KIAA1671: variants seen among roughly 807,000 people sequenced by gnomAD.
KIAA1671 encodes uncharacterized protein KIAA1671.
KIAA1671 carries 52 observed loss-of-function variants against 131.2 expected under a neutral mutation model. The observed-to-expected ratio is 0.40, with a 90% CI of 0.32 to 0.50. The LOEUF (loss-of-function observed/expected upper bound fraction) is 0.50, where lower values mean the gene tolerates loss of function less well. KIAA1671 is among the 20% of genes least tolerant of loss of function. The pLI is 0.73. For missense variants in KIAA1671, 2,360 were observed against 2,364.2 expected, an observed-to-expected ratio of 1.00 and a Z score of 0.04; for synonymous variants, 1,003 against 961.6, an observed-to-expected ratio of 1.04 and a Z score of -0.80.
At chr22:25,134,931 C>T (rs1320381117) in intron 6 of KIAA1671, among the ~76,000 whole-genome samples, 1 of 152,178 alleles carries the variant, frequency 6.6e-6, no homozygotes, top group East Asian at 1.9e-4. Context: ...CACCATGTCA[C>T]GTAGCAGACA....
intron 1 of KIAA1671, among the ~76,000 whole-genome samples, chr22:25,009,309 G>A (rs1191655473): frequency 3.2e-5 from 4 of 126,942 alleles, no homozygotes; most frequent in South Asian, 2.7e-4. Flanking sequence ...CTGTCACCCA[G>A]GCTGGAGTGC....
Position 25,174,370 on chromosome 22 carries a change from C to G in KIAA1671, c.4780C>G (p.Gln1594Glu). The change falls in exon 8 of 13, where the codon CAG (glutamine) becomes GAG (glutamate). Residue 1594 changes from glutamine to glutamate, a missense_variant. By Grantham distance (29) the Gln-to-Glu change is conservative. Around this residue, in one of 3 missense-constraint regions of KIAA1671, gnomAD observed 1,161 missense variants for 1,204.7 expected, o/e 0.96. Transcript: ENST00000358431. ...AGDQYDCSRD[Q>E]RSTSVDHSST... ...GGACCAGTATGACTGCTCCAGGGACCAGCGGAGCACCAGCGTGGACCACTC... is the reference window on the plus strand; with the variant it reads ...GGACCAGTATGACTGCTCCAGGGACGAGCGGAGCACCAGCGTGGACCACTC... 2.6e-6 allele frequency: 4 copies of G among 1,552,072 alleles called. No homozygotes were observed. The highest frequency in any genetic ancestry group is 3.5e-6 in the Non-Finnish European group (4 of 1,147,100).
Position 25,039,173 on chromosome 22 carries a change from G to T in KIAA1671, c.2043G>T (p.Thr681=). The T allele has an allele frequency of 1.3e-6, 2 of 1,551,852 alleles. No individual in the cohort carries two copies. Among genetic ancestry groups the T allele is most frequent in the Non-Finnish European group, 1.7e-6 (2 of 1,147,074 alleles). ...CCAGAGGGTTTGACAATCCCGAGACGGAGAAATTGGGACCAACCACCCTTT... is the reference window on the plus strand; with the variant it reads ...CCAGAGGGTTTGACAATCCCGAGACTGAGAAATTGGGACCAACCACCCTTT... ...ENSRGFDNPE[T]EKLGPTTLLN... The change falls in exon 5 of 13, where the codon ACG becomes ACT. Residue 681 remains threonine (T), a synonymous_variant. Coordinates refer to ENST00000358431, the MANE Select transcript of KIAA1671 (RefSeq NM_001145206.2).
chr22:25,081,210 T>C (rs548131066), intron 6 of KIAA1671, among the ~76,000 whole-genome samples: 1 of 152,332 alleles, frequency 6.6e-6, no homozygotes, highest in African/African-American at 2.4e-5. Context: ...AGTTTCTCTG[T>C]AGGTATAATG....
chr22:24,982,972 G>T (rs1923312741), intron 1 of KIAA1671, among the ~76,000 whole-genome samples: 1 of 152,168 alleles, frequency 6.6e-6, no homozygotes, highest in Non-Finnish European at 1.5e-5. Flanking sequence ...TTCCTTCCAG[G>T]CATCTGTTGA....
intron 6 of KIAA1671, among the ~76,000 whole-genome samples, chr22:25,137,356 C>G (rs986167561): frequency 6.6e-6 from 1 of 152,186 alleles, no homozygotes; most frequent in Non-Finnish European, 1.5e-5. Flanking sequence ...AGCCCGAATT[C>G]TCTTCCTATG....
At chr22:25,098,002 G>C (rs553530047) in intron 6 of KIAA1671, among the ~76,000 whole-genome samples, 24 of 152,224 alleles carry the variant, frequency 1.6e-4, no homozygotes, top group East Asian at 1.5e-3. Flanking sequence ...CAAGGAGGAG[G>C]GTGCATCACG....
Position 25,040,187 on chromosome 22 carries a change from AC to A in KIAA1671, c.3059del (p.Pro1020LeufsTer48), listed in dbSNP as rs1926833723. On this transcript the variant is annotated frameshift_variant, in exon 5 of 13. Coordinates refer to ENST00000358431, the MANE Select transcript of KIAA1671 (RefSeq NM_001145206.2). LOFTEE classifies it high-confidence loss of function. ...QTSPAVKQGS[P>X]VEPKATFFAV... ...CTTCCCCAGCAGTGAAGCAAGGGTC[AC>A]CTGTGGAACCCAAGGCGACATTTTT... 1 of 1,551,554 alleles carries A rather than the reference AC, an allele frequency of 6.4e-7. No homozygotes were observed. The highest frequency in any genetic ancestry group is 8.7e-7 in the Non-Finnish European group (1 of 1,147,004).
At chr22:25,106,003 G>T (rs9624726) in intron 6 of KIAA1671, among the ~76,000 whole-genome samples, 10,554 of 152,232 alleles carry the variant, frequency 0.069, 1,191 homozygotes, top group African/African-American at 0.24. Flanking sequence ...TGTAATGCCT[G>T]GCACATAGTA....
chr22:25,185,331 G>C, intron 11 of KIAA1671: 1 of 554,098 alleles, frequency 1.8e-6, no homozygotes, highest in Admixed American at 3.6e-5. Context: ...AATCAGGCCA[G>C]CTGGCCTCTC....
intron 6 of KIAA1671, chr22:25,051,439 C>T (rs1927528173): frequency 6.6e-6 from 1 of 152,176 alleles, no homozygotes; most frequent in African/African-American, 2.4e-5. Flanking sequence ...TTCTCTATGA[C>T]CTCAAGAGTA....
intron 6 of KIAA1671, among the ~76,000 whole-genome samples, chr22:25,093,737 A>ACTCTCTCTCTCTCTCTCT (rs1326086246): frequency 6.6e-5 from 2 of 30,138 alleles, no homozygotes; most frequent in South Asian, 1.2e-3. Flanking sequence ...ACACACACAC[A>ACTCTCTCTCTCTCTCTCT]CTCTCTCTCT....
At chr22:25,172,237 A>C (rs1933874872) in intron 7 of KIAA1671, among the ~76,000 whole-genome samples, 2 of 152,064 alleles carry the variant, frequency 1.3e-5, no homozygotes, top group South Asian at 4.2e-4. Context: ...TCCATTCCCC[A>C]GTTCTGACTC....
chr22:25,172,343 C>T (rs931751193), intron 7 of KIAA1671, among the ~76,000 whole-genome samples: 1 of 152,200 alleles, frequency 6.6e-6, no homozygotes, highest in Non-Finnish European at 1.5e-5. Context: ...CTCCTCGGGC[C>T]ACCCCAGGAG....
rs917854063 is a variant in KIAA1671, at chr22:25,184,971, C to T, written c.5200-6C>T. The stretch of plus-strand genomic sequence containing the variant: ...GCTTATAGACTCAGCTCTCTTTTCT[C>T]CCCAGGCTCAGCTGCACAAGAGGCC... On this transcript the variant is annotated splice_polypyrimidine_tract_variant and splice_region_variant and intron_variant, in intron 10 of 12. Coordinates refer to ENST00000358431, the MANE Select transcript of KIAA1671 (RefSeq NM_001145206.2). 7.1e-6 allele frequency: 11 copies of T among 1,551,244 alleles called. No individual in the cohort carries two copies. In the East Asian group the frequency reaches 2.0e-4, roughly 28 times the overall value.
intron 6 of KIAA1671, chr22:25,052,463 A>G (rs991261568): frequency 6.6e-6 from 1 of 152,140 alleles, no homozygotes; most frequent in Non-Finnish European, 1.5e-5. Context: ...AAAGCCTAAC[A>G]CTTACTATCG....
chr22:25,027,885 C>A, intron 2 of KIAA1671, 60 bp from the exon 3 acceptor site: 2 of 838,440 alleles, frequency 2.4e-6, no homozygotes, highest in South Asian at 1.9e-5. Context: ...AACCATTCTG[C>A]TTCAACCCAG....
At chr22:24,954,550 A>G (rs961094708) in intron 1 of KIAA1671, among the ~76,000 whole-genome samples, 2 of 152,190 alleles carry the variant, frequency 1.3e-5, no homozygotes, top group African/African-American at 2.4e-5. Flanking sequence ...ACCAGCGTGT[A>G]TTGAGCACCT....
Position 25,192,630 on chromosome 22 carries a change from C to T in KIAA1671, c.*229C>T, listed in dbSNP as rs1368080437. On this transcript the variant is annotated 3_prime_UTR_variant, in exon 13 of 13. Coordinates refer to ENST00000358431, the MANE Select transcript of KIAA1671 (RefSeq NM_001145206.2). The stretch of plus-strand genomic sequence containing the variant: ...TCGCTCATCTCCCCAGACAGCACTT[C>T]AGGCTGGGAAAGGAGCCAGGCTGCC... The T allele has an allele frequency of 6.6e-6, 1 of 152,276 alleles. No homozygotes were observed. The highest frequency in any genetic ancestry group is 1.5e-5 in the Non-Finnish European group (1 of 68,066). The allele number at this position is 152,276 out of a possible 1,614,324, so 9.4% of individuals were successfully genotyped here.
Sources: allele counts gnomAD v4.1 joint callset (sites outside exome capture counted in the v4.1 genomes callset), GRCh38; gene constraint gnomAD v4.1.1; regional missense constraint gnomAD v4.1.1; transcripts MANE v1.5; gene names NCBI Gene and HGNC (gene_info 2026-07-23, HGNC 2026-07-21).